The following C2orf78 variants were observed in gnomAD, a reference collection of about 807,000 sequenced individuals.
C2orf78 encodes chromosome 2 open reading frame 78, also known as uncharacterized protein C2orf78.
C2orf78 carries 12 observed loss-of-function variants against 21.4 expected under a neutral mutation model. The observed-to-expected ratio is 0.56, with a 90% confidence interval of 0.36 to 0.91. The LOEUF (loss-of-function observed/expected upper bound fraction) is 0.91, where lower values mean the gene tolerates loss of function less well. Ranked by LOEUF, C2orf78 falls within the 40% of genes least tolerant of loss-of-function variation. C2orf78 has a pLI of 0.01. For missense variants in C2orf78, 1,042 were observed against 1,092.4 expected (o/e 0.95, Z 0.65); for synonymous variants, 396 against 413.9 (o/e 0.96, Z 0.52).
In C2orf78 at chr2:73,808,263, T is replaced by A. The variant is rs372194014; in HGVS notation, c.98-5214T>A. ...AGCCAGACTCCATCTCACAAAAAAT[T>A]CAATAAAATAAAAAAGCAGCAGTAA... is the stretch of plus-strand genomic sequence containing the variant. On this transcript the variant is annotated intron_variant, in intron 1 of 2. Coordinates refer to ENST00000409561, the Ensembl canonical transcript of C2orf78. Among the ~76,000 whole-genome samples, 895 of 149,884 alleles carry A rather than the reference T, an allele frequency of 6.0e-3. 41 individuals are homozygous for A. The highest frequency in any genetic ancestry group is 0.02 in the Middle Eastern group (6 of 294).
chr2:73,816,762 A>G, exon 3 of C2orf78: 2 of 1,613,930 alleles, frequency 1.2e-6, no homozygotes, highest in African/African-American at 1.3e-5. Context: ...TCAATTTCTA[A>G]TCCAAGACTT....
At chr2:73,808,752 C>T (rs1039428357) in intron 1 of C2orf78, 27 of 1,518,418 alleles carry the variant, frequency 1.8e-5, no homozygotes, top group African/African-American at 2.8e-5. Flanking sequence ...TTTGTATCAT[C>T]ACAAGGGGCC....
At chr2:73,784,652 TG>T (rs1253228387) in intron 1 of C2orf78, among the ~76,000 whole-genome samples, 1 of 151,282 alleles carries the variant, frequency 6.6e-6, no homozygotes, top group Non-Finnish European at 1.5e-5. Flanking sequence ...TTATTCCCCC[TG>T]GCCCTTTTCT....
At chr2:73,816,074 G>C (rs1673189372) in exon 3 of C2orf78, 1 of 1,613,680 alleles carries the variant, frequency 6.2e-7, no homozygotes, top group Admixed American at 1.7e-5. Flanking sequence ...TTAGCCAAAA[G>C]ACCCTTAAAA....
At chr2:73,816,561 C>T (rs746989589) in exon 3 of C2orf78, 6 of 1,613,792 alleles carry the variant, frequency 3.7e-6, no homozygotes, top group East Asian at 2.2e-5. Flanking sequence ...TTTGACAGGT[C>T]CTGCCACACC....
exon 2 of C2orf78, chr2:73,813,942 G>C: frequency 6.2e-7 from 1 of 1,613,972 alleles, no homozygotes; most frequent in Non-Finnish European, 8.5e-7. Context: ...CTTGTTCAGG[G>C]GACACTAACT....
At chr2:73,816,694 A>G (rs954271957) in exon 3 of C2orf78, 3 of 1,614,002 alleles carry the variant, frequency 1.9e-6, no homozygotes, top group Non-Finnish European at 2.5e-6. Context: ...TCTTCTCTGC[A>G]GCGGGAGCCT....
At chr2:73,815,611 T>C (rs1233885255) in exon 3 of C2orf78, 1 of 1,613,922 alleles carries the variant, frequency 6.2e-7, no homozygotes. Flanking sequence ...TTACAAGATC[T>C]TGACCAACCT....
At chr2:73,815,851 C>G in exon 3 of C2orf78, 1 of 1,613,740 alleles carries the variant, frequency 6.2e-7, no homozygotes, top group African/African-American at 1.3e-5. Context: ...AACAGCGCTT[C>G]TGTGAACAAG....
intron 1 of C2orf78, among the ~76,000 whole-genome samples, chr2:73,810,777 AT>A (rs960858018): frequency 4.1e-5 from 5 of 123,064 alleles, no homozygotes; most frequent in Non-Finnish European, 6.5e-5. Context: ...TATATATAAA[AT>A]ATACATGTAT....
At chr2:73,784,361 T>A in exon 1 of C2orf78, 3 of 1,204,072 alleles carry the variant, frequency 2.5e-6, no homozygotes, top group Non-Finnish European at 3.5e-6. Context: ...CGTCTCTTCT[T>A]CCCTTCTATC....
Position 73,814,183 on chromosome 2 carries a change from T to A in C2orf78, c.804T>A (p.Tyr268Ter), listed in dbSNP as rs1673147516. The A allele has an allele frequency of 8.1e-6, 13 of 1,597,974 alleles. No individual in the cohort carries two copies. Among genetic ancestry groups the A allele is most frequent in the Non-Finnish European group, 9.4e-6 (11 of 1,168,068 alleles). ...CACCAGTCTCTACTTCTGGGATGTA[T>A]TACTCTGTGTCTTCTCAACCCATCA... Residue 268 changes from tyrosine to a stop codon, truncating the protein, a stop_gained, in exon 2 of 3, where the codon TAT becomes TAA. Transcript: ENST00000409561. LOFTEE classifies it low-confidence loss of function (END_TRUNC).
chr2:73,810,385 G>T (rs1673054528), intron 1 of C2orf78, among the ~76,000 whole-genome samples: 1 of 151,394 alleles, frequency 6.6e-6, no homozygotes, highest in Non-Finnish European at 1.5e-5. Context: ...AAATTAGCCG[G>T]GCATGGTGGC....
chr2:73,807,982 G>T (rs1343103904), intron 1 of C2orf78, among the ~76,000 whole-genome samples: 5 of 151,144 alleles, frequency 3.3e-5, no homozygotes, highest in Non-Finnish European at 5.9e-5. Context: ...AGGGCCGGGT[G>T]CGGTGGCTCC....
Position 73,813,670 on chromosome 2 carries a change from C to G in C2orf78, c.291C>G (p.Tyr97Ter), listed in dbSNP as rs764676559. 1.9e-6 allele frequency: 3 copies of G among 1,614,018 alleles called. No individual in the cohort carries two copies. Among genetic ancestry groups the G allele is most frequent in the Non-Finnish European group, 2.5e-6 (3 of 1,179,882 alleles). The change falls in exon 2 of 3, where the codon TAC (tyrosine) becomes TAG (stop). Residue 97 changes from tyrosine to a stop codon, truncating the protein, a stop_gained. Coordinates refer to ENST00000409561, the Ensembl canonical transcript of C2orf78. LOFTEE classifies it high-confidence loss of function. The stretch of plus-strand genomic sequence containing the variant: ...TCCAGCCACTCATGGGCAGTGCCTA[C>G]CTTTACCAACATTCTAGCACAACTA...
chr2:73,810,792 T>G (rs935453167), intron 1 of C2orf78, among the ~76,000 whole-genome samples: 1 of 106,002 alleles, frequency 9.4e-6, no homozygotes, highest in Non-Finnish European at 1.9e-5. Flanking sequence ...CATGTATATT[T>G]TATATATATA....
exon 3 of C2orf78, chr2:73,816,538 C>T: frequency 6.2e-7 from 1 of 1,613,944 alleles, no homozygotes; most frequent in Non-Finnish European, 8.5e-7. Flanking sequence ...CGACCAGCTC[C>T]TACCAACACA....
chr2:73,815,414 G>T, exon 3 of C2orf78: 1 of 1,613,834 alleles, frequency 6.2e-7, no homozygotes, highest in Non-Finnish European at 8.5e-7. Context: ...ATATTCACCC[G>T]CTTCTGGCCT....
intron 1 of C2orf78, among the ~76,000 whole-genome samples, chr2:73,807,074 G>A (rs62150703): frequency 0.62 from 89,239 of 143,026 alleles, 30,756 homozygotes; most frequent in Middle Eastern, 0.75. Flanking sequence ...CCAGCTACTC[G>A]GGAGACTAAG....
Sources: allele counts gnomAD v4.1 joint callset (sites outside exome capture counted in the v4.1 genomes callset), GRCh38; gene constraint gnomAD v4.1.1; transcripts MANE v1.5; gene names NCBI Gene and HGNC (gene_info 2026-07-23, HGNC 2026-07-21).